Variants in GRIN2A observed in about 807,000 individuals in gnomAD.
The protein encoded by GRIN2A is glutamate receptor ionotropic, NMDA 2A.
In GRIN2A, 22 loss-of-function variants were observed where a neutral mutation model predicts 113.4. The observed-to-expected ratio is 0.19, with a 90% confidence interval of 0.14 to 0.28. GRIN2A has a LOEUF of 0.28. Among genes scored for constraint, GRIN2A ranks in the 10% least tolerant of loss-of-function variants. GRIN2A has a pLI of 1.00. For synonymous variants in GRIN2A, 827 were observed against 738.4 expected (o/e 1.12, Z -1.94); for missense variants, 1,502 against 1,887.0 (o/e 0.80, Z 3.78).
At chr16:9,977,902 T>C (rs1407544561) in intron 2 of GRIN2A, among the ~76,000 whole-genome samples, 1 of 152,174 alleles carries the variant, frequency 6.6e-6, no homozygotes, top group Non-Finnish European at 1.5e-5. Context: ...ATAAAACTTT[T>C]TAATTAGGTC....
intron 2 of GRIN2A, among the ~76,000 whole-genome samples, chr16:10,145,154 A>C (rs932611705): frequency 1.3e-5 from 2 of 152,140 alleles, no homozygotes; most frequent in Non-Finnish European, 2.9e-5. Flanking sequence ...AGAGAATAGA[A>C]TGGTGGTTGC....
At chr16:10,041,392 C>A (rs982009447) in intron 2 of GRIN2A, among the ~76,000 whole-genome samples, 1 of 152,068 alleles carries the variant, frequency 6.6e-6, no homozygotes, top group African/African-American at 2.4e-5. Context: ...ATGACAAATT[C>A]TTTTGTAAAG....
intron 2 of GRIN2A, among the ~76,000 whole-genome samples, chr16:9,945,137 C>T (rs893148612): frequency 6.6e-6 from 1 of 152,002 alleles, no homozygotes; most frequent in African/African-American, 2.4e-5. Flanking sequence ...TCTGGCCAAC[C>T]CCAGAGTAAG....
At chr16:10,145,736 T>C (rs528905954) in intron 2 of GRIN2A, among the ~76,000 whole-genome samples, 33 of 152,332 alleles carry the variant, frequency 2.2e-4, no homozygotes, top group African/African-American at 7.2e-4. Flanking sequence ...TTGTGAGCCA[T>C]ATGGTCGCCA....
chr16:9,844,467 G>T (rs1035844381), intron 5 of GRIN2A, among the ~76,000 whole-genome samples: 3 of 152,212 alleles, frequency 2.0e-5, no homozygotes, highest in Non-Finnish European at 4.4e-5. Context: ...TACAGCCCTT[G>T]TGTGGGTGTG....
intron 2 of GRIN2A, among the ~76,000 whole-genome samples, chr16:10,060,041 G>A (rs1296808514): frequency 1.3e-5 from 2 of 152,156 alleles, no homozygotes; most frequent in Admixed American, 6.5e-5. Flanking sequence ...TCCCACAGCA[G>A]GGACCACCTG....
intron 10 of GRIN2A, among the ~76,000 whole-genome samples, chr16:9,802,283 C>CTCAA: frequency 6.6e-6 from 1 of 152,086 alleles, no homozygotes; most frequent in East Asian, 1.9e-4. Context: ...TGGCATCAAC[C>CTCAA]TCAATCAAAC....
chr16:9,913,117 T>C (rs1022992851), intron 3 of GRIN2A, among the ~76,000 whole-genome samples: 2 of 152,222 alleles, frequency 1.3e-5, no homozygotes, highest in African/African-American at 2.4e-5. Context: ...GAGTTTCCTT[T>C]CACTGAACCA....
intron 3 of GRIN2A, among the ~76,000 whole-genome samples, chr16:9,918,192 CA>C (rs2044288647): frequency 6.6e-6 from 1 of 152,200 alleles, no homozygotes; most frequent in South Asian, 2.1e-4. Context: ...CAAAGTCTCA[CA>C]GCTAATAAGT....
At chr16:10,081,799 T>A (rs184583243) in intron 2 of GRIN2A, among the ~76,000 whole-genome samples, 2 of 152,040 alleles carry the variant, frequency 1.3e-5, no homozygotes, top group Non-Finnish European at 2.9e-5. Context: ...TGGACCAGGG[T>A]CAGGCTATGG....
intron 3 of GRIN2A, among the ~76,000 whole-genome samples, chr16:9,897,886 T>A (rs2043837928): frequency 6.6e-6 from 1 of 152,134 alleles, no homozygotes; most frequent in Non-Finnish European, 1.5e-5. Context: ...CTAAACAGGG[T>A]GTGCGCCACA....
intron 2 of GRIN2A, among the ~76,000 whole-genome samples, chr16:9,958,644 A>G (rs1567200454): frequency 6.6e-6 from 1 of 152,156 alleles, no homozygotes; most frequent in Non-Finnish European, 1.5e-5. Flanking sequence ...ATCAGGAATT[A>G]CAGAGAGCTG....
chr16:10,093,749 AG>A (rs1225975185), intron 2 of GRIN2A, among the ~76,000 whole-genome samples: 1 of 152,216 alleles, frequency 6.6e-6, no homozygotes, highest in Admixed American at 6.5e-5. Context: ...ACCAGGATAC[AG>A]TTCCTCACCT....
intron 2 of GRIN2A, among the ~76,000 whole-genome samples, chr16:10,133,249 C>T: frequency 6.6e-6 from 1 of 152,146 alleles, no homozygotes. Flanking sequence ...CCATCTTGCT[C>T]CGAAAGATTC....
intron 10 of GRIN2A, among the ~76,000 whole-genome samples, chr16:9,810,177 G>A (rs1233880519): frequency 6.6e-6 from 1 of 152,192 alleles, no homozygotes; most frequent in Non-Finnish European, 1.5e-5. Context: ...CCACCTGATG[G>A]TGGGAGTTCA....
rs527332494 is a variant in GRIN2A, at chr16:9,776,824, C to A, written c.2357-7735G>T. 3.3e-5 allele frequency among the ~76,000 whole-genome samples: 5 copies of A among 152,118 alleles called. No homozygotes were observed. The East Asian group carries it at 9.7e-4, about 29-fold the overall frequency. On this transcript the variant is annotated intron_variant, in intron 11 of 12. Transcript: ENST00000330684. ...ATTGGAATTGGAAATGGCAAAGGAA[C>A]AACTTTTTTATGGGAAATCTAGGGC...
At position 10,090,091 on chromosome 16, in the gene GRIN2A, T is replaced by C. The variant is rs2048158748; in HGVS notation, c.414+89907A>G. On this transcript the variant is annotated intron_variant, in intron 2 of 12. Transcript: ENST00000330684. The stretch of plus-strand genomic sequence containing the variant: ...TATTTAGGACCTACCAGGCATTATA[T>C]GAGGTGCTAAAGACACAACGGTGAC... 3.9e-5 allele frequency among the ~76,000 whole-genome samples: 6 copies of C among 152,300 alleles called. No homozygotes were observed. The South Asian group carries it at 1.2e-3, about 32-fold the overall frequency.
At chr16:9,874,363 G>A (rs1049459195) in intron 4 of GRIN2A, among the ~76,000 whole-genome samples, 5 of 152,154 alleles carry the variant, frequency 3.3e-5, no homozygotes, top group African/African-American at 7.2e-5. Context: ...ATGCTGATTC[G>A]TTTTGCACAA....
intron 3 of GRIN2A, among the ~76,000 whole-genome samples, chr16:9,897,753 T>C (rs1477675793): frequency 1.3e-5 from 2 of 152,204 alleles, no homozygotes; most frequent in Non-Finnish European, 2.9e-5. Flanking sequence ...GTGACTTGCA[T>C]TATATTTCTA....
Sources: gnomAD v4.1 joint callset for allele counts (sites outside exome capture counted in the v4.1 genomes callset) on GRCh38, gnomAD v4.1.1 for gene constraint, MANE v1.5 for transcripts, NCBI Gene and HGNC (gene_info 2026-07-23, HGNC 2026-07-21) for gene names.